Variants in PXDNL observed in about 807,000 individuals in gnomAD.
PXDNL encodes probable oxidoreductase PXDNL.
PXDNL carries 145 observed loss-of-function variants against 150.8 expected under a neutral mutation model. That is an observed-to-expected ratio of 0.96 (90% confidence interval 0.84 to 1.10). The LOEUF is 1.10. Among genes scored for constraint, PXDNL ranks in the 50% least tolerant of loss-of-function variants. The pLI is 0.00. For synonymous variants in PXDNL, 757 were observed against 725.7 expected (o/e 1.04, Z -0.69); for missense variants, 2,087 against 1,873.9 (o/e 1.11, Z -2.10).
chr8:51,368,289 T>A (rs1354306174), intron 19 of PXDNL, among the ~76,000 whole-genome samples: 6 of 152,180 alleles, frequency 3.9e-5, no homozygotes, highest in Non-Finnish European at 8.8e-5. Flanking sequence ...GTGACAGAAA[T>A]CCCAGCTCCA....
At chr8:51,582,014 G>T (rs1294607701) in intron 3 of PXDNL, among the ~76,000 whole-genome samples, 1 of 150,810 alleles carries the variant, frequency 6.6e-6, no homozygotes, top group Non-Finnish European at 1.5e-5. Context: ...GCTACAAAAT[G>T]ATATAATTTT....
chr8:51,529,255 C>T (rs1271409422), intron 4 of PXDNL, among the ~76,000 whole-genome samples: 1 of 152,200 alleles, frequency 6.6e-6, no homozygotes, highest in African/African-American at 2.4e-5. Flanking sequence ...GTCACTCCCT[C>T]TTATCCCTTC....
At chr8:51,517,939 G>A (rs140862810) in intron 4 of PXDNL, among the ~76,000 whole-genome samples, 1 of 152,274 alleles carries the variant, frequency 6.6e-6, no homozygotes, top group East Asian at 1.9e-4. Flanking sequence ...GTACTTTTCG[G>A]TGTGATTAAT....
chr8:51,620,821 T>C (rs1814236206), intron 2 of PXDNL, among the ~76,000 whole-genome samples: 1 of 152,206 alleles, frequency 6.6e-6, no homozygotes, highest in African/African-American at 2.4e-5. Flanking sequence ...ACTAGGATTA[T>C]AGGCGTGGGC....
At chr8:51,512,030 G>C (rs1227180412) in intron 4 of PXDNL, among the ~76,000 whole-genome samples, 2 of 152,160 alleles carry the variant, frequency 1.3e-5, no homozygotes, top group Non-Finnish European at 1.5e-5. Flanking sequence ...TGATTTTATG[G>C]CACTGTGGCC....
intron 5 of PXDNL, among the ~76,000 whole-genome samples, chr8:51,490,149 A>T (rs967482947): frequency 1.3e-5 from 2 of 152,244 alleles, no homozygotes; most frequent in East Asian, 1.9e-4. Context: ...AGAAAATAAC[A>T]GTTCAAATAT....
chr8:51,601,665 T>C (rs527263890), intron 2 of PXDNL, among the ~76,000 whole-genome samples: 5 of 152,200 alleles, frequency 3.3e-5, no homozygotes, highest in Admixed American at 6.6e-5. Context: ...TCTTTTTTTA[T>C]CCAACTTGCC....
intron 2 of PXDNL, among the ~76,000 whole-genome samples, chr8:51,644,381 C>CATATGTATATAT (rs1381008227): frequency 3.5e-4 from 17 of 48,788 alleles, no homozygotes; most frequent in Non-Finnish European, 6.4e-4. Flanking sequence ...TATATATACA[C>CATATGTATATAT]ACACATATGT....
chr8:51,449,201 A>G, intron 10 of PXDNL, 83 bp from the exon 11 acceptor site: 2 of 723,020 alleles, frequency 2.8e-6, no homozygotes, highest in Non-Finnish European at 4.7e-6. Context: ...ATGTCTTCAA[A>G]TATGTCATGT....
At chr8:51,424,546 T>C (rs1809041251) in intron 13 of PXDNL, among the ~76,000 whole-genome samples, 1 of 151,738 alleles carries the variant, frequency 6.6e-6, no homozygotes, top group Non-Finnish European at 1.5e-5. Flanking sequence ...ATATACACAA[T>C]TAAAAATATA....
intron 17 of PXDNL, among the ~76,000 whole-genome samples, chr8:51,379,561 G>A (rs1349206477): frequency 1.3e-5 from 2 of 150,790 alleles, no homozygotes; most frequent in African/African-American, 4.9e-5. Flanking sequence ...TATATATTCT[G>A]AATGCTAATA....
chr8:51,739,598 T>C (rs1356604666), intron 1 of PXDNL, among the ~76,000 whole-genome samples: 3 of 151,868 alleles, frequency 2.0e-5, no homozygotes, highest in Non-Finnish European at 4.4e-5. Flanking sequence ...TACACAAAAA[T>C]CAATTTCATC....
intron 2 of PXDNL, among the ~76,000 whole-genome samples, chr8:51,627,762 TG>T (rs1341456544): frequency 1.3e-5 from 2 of 152,316 alleles, no homozygotes; most frequent in East Asian, 3.9e-4. Flanking sequence ...ACCCCCATCC[TG>T]GGTTCAAAGG....
chr8:51,500,121 A>G (rs1414169915), intron 4 of PXDNL, among the ~76,000 whole-genome samples: 1 of 152,366 alleles, frequency 6.6e-6, no homozygotes, highest in East Asian at 1.9e-4. Context: ...AATTAAGATT[A>G]CAAACATAAT....
Position 51,409,169 on chromosome 8 carries a change from G to A in PXDNL, c.2455C>T (p.Pro819Ser). 6.3e-7 allele frequency: 1 copy of A among 1,599,240 alleles called. No homozygotes were observed. The highest frequency in any genetic ancestry group is 1.1e-5 in the South Asian group (1 of 89,782). The change falls in exon 17 of 23, where the codon CCT becomes TCT. Residue 819 changes from proline to serine, a missense_variant. Transcript: ENST00000356297. ...GAGAAGCGGGCTGTGCTCAGCGCAGGCACTGTGTGGTCCAAGTCGTGCTCT... is the reference window on the plus strand; with the variant it reads ...GAGAAGCGGGCTGTGCTCAGCGCAGACACTGTGTGGTCCAAGTCGTGCTCT... ...FLEHDLDHTVPALSTARFSDG... is the reference protein window; with the variant it reads ...FLEHDLDHTVSALSTARFSDG...
intron 12 of PXDNL, among the ~76,000 whole-genome samples, chr8:51,428,222 TA>T (rs1225424021): frequency 1.2e-4 from 19 of 152,232 alleles, no homozygotes; most frequent in Admixed American, 1.1e-3. Context: ...ATCAAAGATT[TA>T]AAAAAATGAA....
intron 1 of PXDNL, among the ~76,000 whole-genome samples, chr8:51,786,208 A>AG (rs2037459072): frequency 6.6e-6 from 1 of 152,128 alleles, no homozygotes; most frequent in Non-Finnish European, 1.5e-5. Context: ...CTTTTTTAAG[A>AG]AAACAATTTT....
intron 19 of PXDNL, among the ~76,000 whole-genome samples, chr8:51,369,274 G>A (rs902829576): frequency 1.4e-4 from 21 of 152,108 alleles, no homozygotes; most frequent in African/African-American, 4.8e-4. Flanking sequence ...CCATTAAAAT[G>A]TATAACCTAC....
intron 2 of PXDNL, among the ~76,000 whole-genome samples, chr8:51,645,411 C>T (rs149001262): frequency 0.01 from 1,592 of 152,258 alleles, 27 homozygotes; most frequent in African/African-American, 0.035. Flanking sequence ...ATACCATCAA[C>T]GGATGGTGTT....
Sources: allele counts gnomAD v4.1 joint callset (sites outside exome capture counted in the v4.1 genomes callset), GRCh38; gene constraint gnomAD v4.1.1; transcripts MANE v1.5; gene names NCBI Gene and HGNC (gene_info 2026-07-23, HGNC 2026-07-21).